ARL17B: variants seen among roughly 807,000 people sequenced by gnomAD.
ARL17B encodes ADP-ribosylation factor-like protein 17.
downstream of ARL17B, among the ~76,000 whole-genome samples, chr17:46,332,860 T>C (rs1362202286): frequency 1.9e-4 from 29 of 150,134 alleles, no homozygotes; most frequent in Admixed American, 2.0e-4. Flanking sequence ...CTTTCAGATC[T>C]CTGTGAATTG....
intron 4 of ARL17B, among the ~76,000 whole-genome samples, chr17:46,290,246 C>G (rs959107118): frequency 2.0e-5 from 3 of 152,174 alleles, no homozygotes; most frequent in African/African-American, 7.2e-5. Context: ...CCCCTGGCCT[C>G]AGCCTCGCCA....
At chr17:46,304,637 A>T (rs1323609775) in intron 3 of ARL17B, among the ~76,000 whole-genome samples, 4 of 66,372 alleles carry the variant, frequency 6.0e-5, no homozygotes, top group African/African-American at 1.5e-4. Flanking sequence ...AACTGAAGAA[A>T]TTTTTTTTTA....
At chr17:46,291,969 C>CAAAA (rs59554870) in intron 4 of ARL17B, among the ~76,000 whole-genome samples, 4,535 of 56,632 alleles carry the variant, frequency 0.08, 23 homozygotes, top group Non-Finnish European at 0.1. Flanking sequence ...TCTCAAAAAG[C>CAAAA]AAAAAAAAAA....
At chr17:46,315,361 C>CA (rs1276062194) in intron 3 of ARL17B, among the ~76,000 whole-genome samples, 16 of 129,912 alleles carry the variant, frequency 1.2e-4, no homozygotes, top group Non-Finnish European at 2.5e-4. Flanking sequence ...CTTATCTCTA[C>CA]AAAAAAAATT....
rs62073246 is a variant in ARL17B at position 46,327,876 on chromosome 17, G to T, written c.259+24944C>A. 5.3e-4 allele frequency among the ~76,000 whole-genome samples: 21 copies of T among 39,348 alleles called. 8 individuals carry two copies. The Admixed American group carries it at 6.6e-3, about 12-fold the overall frequency. 25.8% of individuals were successfully genotyped at this position (39,348 alleles called of 152,430 possible). ...GGATTCTTCTTTATATTAAATATGT[G>T]GTAACTTATTGTTGTTATTCTTTTG... On this transcript the variant is annotated intron_variant, in intron 3 of 4. Transcript: ENST00000434041.
intron 4 of ARL17B, among the ~76,000 whole-genome samples, chr17:46,280,633 G>T (rs2049738036): frequency 7.0e-6 from 1 of 143,656 alleles, no homozygotes; most frequent in Admixed American, 7.2e-5. Flanking sequence ...GAGTGCAGTG[G>T]TGTGATCTTG....
intron 4 of ARL17B, among the ~76,000 whole-genome samples, chr17:46,282,204 G>A (rs78212906): frequency 8.5e-6 from 1 of 117,588 alleles, no homozygotes; most frequent in Non-Finnish European, 2.2e-5. Context: ...CCGGGTTCAT[G>A]CCATTCTCCT....
intron 4 of ARL17B, chr17:46,275,450 C>T: frequency 1.2e-6 from 1 of 852,148 alleles, no homozygotes; most frequent in Non-Finnish European, 1.8e-6. Context: ...AACAATTGAG[C>T]ACCTTTCATT....
intron 3 of ARL17B, among the ~76,000 whole-genome samples, chr17:46,340,181 A>G (rs2052472046): frequency 9.8e-6 from 1 of 101,682 alleles, no homozygotes; most frequent in African/African-American, 3.1e-5. Flanking sequence ...AAAGGTATCC[A>G]CAGGGAAATT....
chr17:46,288,420 T>C (rs1377419213), intron 4 of ARL17B, among the ~76,000 whole-genome samples: 1 of 151,570 alleles, frequency 6.6e-6, no homozygotes, highest in African/African-American at 2.4e-5. Context: ...GCAATTCTCT[T>C]GCCTCAGCTT....
chr17:46,332,913 A>G (rs1199583942), downstream of ARL17B, among the ~76,000 whole-genome samples: 1 of 151,434 alleles, frequency 6.6e-6, no homozygotes, highest in Non-Finnish European at 1.5e-5. Context: ...AAGTCGATAT[A>G]ATAGCAAAAT....
intron 4 of ARL17B, among the ~76,000 whole-genome samples, chr17:46,289,199 G>A (rs1173928359): frequency 3.3e-5 from 5 of 152,128 alleles, no homozygotes; most frequent in Non-Finnish European, 5.9e-5. Context: ...TTTCTTATTT[G>A]GAGATAAGAG....
At chr17:46,275,958 T>C (rs1255230227) in intron 4 of ARL17B, among the ~76,000 whole-genome samples, 1 of 152,218 alleles carries the variant, frequency 6.6e-6, no homozygotes, top group Non-Finnish European at 1.5e-5. Flanking sequence ...AGGCGCGATC[T>C]TGGCTCACTG....
downstream of ARL17B, chr17:46,330,392 C>T: frequency 1.1e-5 from 1 of 87,316 alleles, no homozygotes; most frequent in Non-Finnish European, 2.3e-5. Flanking sequence ...CAGCTATGGA[C>T]TGATGCATCC....
intron 4 of ARL17B, among the ~76,000 whole-genome samples, chr17:46,283,972 G>T (rs1402210270): frequency 4.6e-5 from 7 of 152,336 alleles, no homozygotes; most frequent in African/African-American, 7.2e-5. Context: ...AAGCAGTATG[G>T]CTGCCCGCGT....
At chr17:46,283,189 G>A (rs1468260295) in intron 4 of ARL17B, among the ~76,000 whole-genome samples, 1 of 152,148 alleles carries the variant, frequency 6.6e-6, no homozygotes, top group Non-Finnish European at 1.5e-5. Context: ...ACCCTCCAAA[G>A]TGACCATACC....
At chr17:46,348,475 TC>T (rs2052645394) in intron 3 of ARL17B, among the ~76,000 whole-genome samples, 1 of 28,148 alleles carries the variant, frequency 3.6e-5, no homozygotes, top group Non-Finnish European at 6.5e-5. Flanking sequence ...GTGCCTACTG[TC>T]ATCCAGCCAC....
At chr17:46,286,373 T>C (rs1237639615) in intron 4 of ARL17B, among the ~76,000 whole-genome samples, 1 of 152,228 alleles carries the variant, frequency 6.6e-6, no homozygotes, top group Non-Finnish European at 1.5e-5. Context: ...AAGTCACAAA[T>C]CTTTCAACTA....
intron 3 of ARL17B, among the ~76,000 whole-genome samples, chr17:46,322,580 G>C (rs1768846938): frequency 1.8e-5 from 1 of 55,000 alleles, no homozygotes; most frequent in Admixed American, 2.2e-4. Flanking sequence ...GCCAGCAGGG[G>C]AAGAGAACAG....
Sources: gnomAD v4.1 joint callset for allele counts (sites outside exome capture counted in the v4.1 genomes callset) on GRCh38, gnomAD v4.1.1 for gene constraint, MANE v1.5 for transcripts, NCBI Gene and HGNC (gene_info 2026-07-23, HGNC 2026-07-21) for gene names.